MICAL3: variants seen among roughly 807,000 people sequenced by gnomAD.
MICAL3 encodes microtubule associated monooxygenase, calponin and LIM domain containing 3.
Under a neutral mutation model 207.4 loss-of-function variants are expected in MICAL3, and 62 were observed. The observed-to-expected ratio is 0.30, with a 90% CI of 0.24 to 0.37. The LOEUF (loss-of-function observed/expected upper bound fraction) is 0.37. Ranked by LOEUF, MICAL3 falls within the 10% of genes least tolerant of loss-of-function variation. The pLI is 1.00. For synonymous variants in MICAL3, 1,077 were observed against 1,069.3 expected (o/e 1.01, Z -0.14); for missense variants, 2,368 against 2,635.6 (o/e 0.90, Z 2.22).
intron 21 of MICAL3, among the ~76,000 whole-genome samples, chr22:17,828,883 A>G (rs1178225582): frequency 6.6e-6 from 1 of 152,148 alleles, no homozygotes; most frequent in African/African-American, 2.4e-5. Flanking sequence ...TCTGAGTCTA[A>G]CCAGACAATC....
chr22:17,948,299 C>T (rs550243300), intron 1 of MICAL3, among the ~76,000 whole-genome samples: 1 of 152,364 alleles, frequency 6.6e-6, no homozygotes, highest in African/African-American at 2.4e-5. Context: ...ATCTTGCTGG[C>T]TCTCCAGCTG....
intron 1 of MICAL3, among the ~76,000 whole-genome samples, chr22:17,937,100 T>C (rs1011448194): frequency 5.3e-5 from 8 of 152,216 alleles, no homozygotes; most frequent in Admixed American, 6.5e-5. Context: ...TCTTGACAGA[T>C]ACAGAAACAG....
rs1047822329 is a variant in MICAL3, at chr22:17,975,911, C to T, written c.-75+48370G>A. 1.8e-4 allele frequency among the ~76,000 whole-genome samples: 28 copies of T among 152,122 alleles called. 1 individual carries two copies. Among genetic ancestry groups the T allele is most frequent in the African/African-American group, 6.5e-4 (27 of 41,500 alleles). ...ACTAAAAATACAAAAATTAGCCGGG[C>T]GTGGCAGTACATACCTGTAATCCCA... On this transcript the variant is annotated intron_variant, in intron 1 of 31. Coordinates refer to ENST00000441493, the MANE Select transcript of MICAL3 (RefSeq NM_015241.3).
intron 1 of MICAL3, among the ~76,000 whole-genome samples, chr22:17,979,115 A>T (rs1485442142): frequency 6.6e-6 from 1 of 152,026 alleles, no homozygotes; most frequent in Admixed American, 6.6e-5. Flanking sequence ...TTGTGGCTGC[A>T]GTAAGCTGTG....
At chr22:17,927,831 T>C (rs1932991418) in intron 1 of MICAL3, among the ~76,000 whole-genome samples, 1 of 152,116 alleles carries the variant, frequency 6.6e-6, no homozygotes, top group African/African-American at 2.4e-5. Flanking sequence ...TGCCCTTCCC[T>C]TCTTCCTACA....
chr22:17,965,800 A>G (rs958292297), intron 1 of MICAL3, among the ~76,000 whole-genome samples: 12 of 152,210 alleles, frequency 7.9e-5, no homozygotes, highest in African/African-American at 2.4e-4. Context: ...GATAAGGGGG[A>G]AAATAGAATT....
At chr22:17,956,531 T>G (rs182714378) in intron 1 of MICAL3, among the ~76,000 whole-genome samples, 8 of 152,102 alleles carry the variant, frequency 5.3e-5, no homozygotes, top group African/African-American at 1.9e-4. Context: ...TAGCCAGGTG[T>G]GGTGGTGCAT....
chr22:17,882,593 G>A (rs1057285110), intron 16 of MICAL3, among the ~76,000 whole-genome samples: 3 of 152,234 alleles, frequency 2.0e-5, no homozygotes, highest in Non-Finnish European at 4.4e-5. Flanking sequence ...AGCTGAGAAA[G>A]TTCTATGTGA....
intron 1 of MICAL3, among the ~76,000 whole-genome samples, chr22:17,910,540 G>A (rs1043949166): frequency 1.6e-4 from 25 of 152,230 alleles, no homozygotes; most frequent in Admixed American, 1.6e-3. Flanking sequence ...GACCTGCAGG[G>A]CACTGGTGAC....
intron 16 of MICAL3, among the ~76,000 whole-genome samples, chr22:17,880,828 G>A (rs1035077877): frequency 4.6e-5 from 7 of 152,232 alleles, no homozygotes; most frequent in South Asian, 2.1e-4. Context: ...GGCAGTGCCC[G>A]AAGGCCTTAC....
chr22:17,971,044 C>T (rs1416850475), intron 1 of MICAL3, among the ~76,000 whole-genome samples: 2 of 152,024 alleles, frequency 1.3e-5, no homozygotes, highest in African/African-American at 4.8e-5. Flanking sequence ...GGCACAGTGA[C>T]ATATGCCTGT....
rs767343197 is a variant in MICAL3 at position 17,817,563 on chromosome 22, ACCT to A, written c.5095_5097del (p.Arg1699del). 1 of 1,612,624 alleles carries A rather than the reference ACCT, an allele frequency of 6.2e-7. No homozygotes were observed. Among genetic ancestry groups the A allele is most frequent in the Non-Finnish European group, 8.5e-7 (1 of 1,179,642 alleles). The stretch of plus-strand genomic sequence containing the variant: ...TTTCTGCGGGGGGAGAAGAGTGACG[ACCT>A]CTTCTTGCTCTTCCCACTGGAGCCC... On this transcript the variant is annotated inframe_deletion, in exon 26 of 32. Coordinates refer to ENST00000441493, the MANE Select transcript of MICAL3 (RefSeq NM_015241.3).
chr22:17,922,456 C>T (rs970333003), intron 1 of MICAL3, among the ~76,000 whole-genome samples: 2 of 152,020 alleles, frequency 1.3e-5, no homozygotes, highest in African/African-American at 2.4e-5. Context: ...AGTTGAGTTC[C>T]CTAAGGCATA....
At chr22:17,997,146 C>G (rs1331210875) in intron 1 of MICAL3, among the ~76,000 whole-genome samples, 1 of 149,636 alleles carries the variant, frequency 6.7e-6, no homozygotes, top group African/African-American at 2.5e-5. Flanking sequence ...TCACTGCAAC[C>G]TCGGCCTCCT....
rs757330910 is a variant in MICAL3, at chr22:17,902,382, T to C, written c.589+249A>G. On this transcript the variant is annotated intron_variant, in intron 4 of 31. Transcript: ENST00000441493. The surrounding 1 kb of genome is among the most constrained non-coding windows in gnomAD (Gnocchi z 4.5). ...GCTAGGCGACAGAGTGAGACTCTCA[T>C]CTAACAAAGAAAAAGCAGTGGGGAC... Among the ~76,000 whole-genome samples the C allele has an allele frequency of 4.6e-5, 7 of 152,104 alleles. No individual in the cohort carries two copies. Among genetic ancestry groups the C allele is most frequent in the Non-Finnish European group, 8.8e-5 (6 of 68,020 alleles).
Position 17,906,840 on chromosome 22 carries a change from G to A in MICAL3, c.-28C>T, listed in dbSNP as rs1252265334. On this transcript the variant is annotated 5_prime_UTR_variant, in exon 2 of 32. Transcript: ENST00000441493. ...TGCCTCACTCTCAGCACTCCCCAGA[G>A]GGGGAGGTGGGATGGCTGTGGGTCC... The A allele has an allele frequency of 1.3e-6, 2 of 1,545,648 alleles. No individual in the cohort carries two copies. The highest frequency in any genetic ancestry group is 8.7e-7 in the Non-Finnish European group (1 of 1,146,146).
intron 1 of MICAL3, among the ~76,000 whole-genome samples, chr22:17,999,340 A>C (rs1326967209): frequency 6.6e-6 from 1 of 152,222 alleles, no homozygotes; most frequent in East Asian, 1.9e-4. Flanking sequence ...TTCTAGGACC[A>C]AGACGTGAGT....
At position 17,790,452 on chromosome 22, in the gene MICAL3, C is replaced by A. The variant is rs556652089; in HGVS notation, c.*280G>T. 2.2e-6 allele frequency: 1 copy of A among 461,790 alleles called. No individual in the cohort carries two copies. Among genetic ancestry groups the A allele is most frequent in the Non-Finnish European group, 3.9e-6 (1 of 257,626 alleles). 28.6% of individuals were successfully genotyped at this position (461,790 alleles called of 1,614,324 possible). ...AGCCAGCACATCCTCAGGGAGCGCGCGGGGTGGTCCCCTGCGTCATGCCAT... is the reference window on the plus strand; with the variant it reads ...AGCCAGCACATCCTCAGGGAGCGCGAGGGGTGGTCCCCTGCGTCATGCCAT... On this transcript the variant is annotated 3_prime_UTR_variant, in exon 32 of 32. Transcript: ENST00000441493.
rs142447000 is a variant in MICAL3 at position 17,951,786 on chromosome 22, T to C, written c.-74-44900A>G. ...ATCTTGGCTCACTGTAACTTCTGCC[T>C]CCCAGGCTCAAGGGATTCTCCTGCC... is the stretch of plus-strand genomic sequence containing the variant. On this transcript the variant is annotated intron_variant, in intron 1 of 31. Coordinates refer to ENST00000441493, the MANE Select transcript of MICAL3 (RefSeq NM_015241.3). Among the ~76,000 whole-genome samples the C allele has an allele frequency of 9.9e-3, 1,505 of 151,970 alleles. 20 individuals carry two copies. The highest frequency in any genetic ancestry group is 0.032 in the African/African-American group (1,312 of 41,430).
Sources: gnomAD v4.1 joint callset for allele counts (sites outside exome capture counted in the v4.1 genomes callset) on GRCh38, gnomAD v4.1.1 for gene constraint, Gnocchi (gnomAD v3.1) non-coding constraint, MANE v1.5 for transcripts, NCBI Gene and HGNC (gene_info 2026-07-23, HGNC 2026-07-21) for gene names.